The following SIK2 variants were observed in gnomAD, a reference collection of about 807,000 sequenced individuals.
SIK2 encodes the protein salt inducible kinase 2, also known as serine/threonine-protein kinase SIK2.
SIK2 carries 29 observed loss-of-function variants against 103.2 expected under a neutral mutation model. That is an observed-to-expected ratio of 0.28 (90% CI 0.21 to 0.38). The LOEUF is 0.38. SIK2 is among the 10% of genes least tolerant of loss of function. The pLI is 1.00. For synonymous variants in SIK2, 412 were observed against 446.1 expected (o/e 0.92, Z 0.96); for missense variants, 879 against 1,171.0 (o/e 0.75, Z 3.64).
chr11:111,683,865 A>C (rs938797307), intron 3 of SIK2, among the ~76,000 whole-genome samples: 10 of 152,206 alleles, frequency 6.6e-5, no homozygotes, highest in Non-Finnish European at 1.0e-4. Flanking sequence ...ATGTATGCCT[A>C]AACAAATTTT....
intron 1 of SIK2, among the ~76,000 whole-genome samples, chr11:111,605,387 A>G (rs536234889): frequency 3.9e-5 from 6 of 152,362 alleles, no homozygotes; most frequent in African/African-American, 1.4e-4. Context: ...GATAAATACA[A>G]CTACCTTAAA....
Position 111,722,580 on chromosome 11 carries a change from C to G in SIK2, c.2056-85C>G, listed in dbSNP as rs1270902382. The G allele has an allele frequency of 1.6e-6, 2 of 1,268,362 alleles. No individual in the cohort carries two copies. The highest frequency in any genetic ancestry group is 2.2e-6 in the Non-Finnish European group (2 of 889,508). 78.6% of individuals were successfully genotyped at this position (1,268,362 alleles called of 1,614,324 possible). A position where few individuals can be genotyped will look rare whatever the true frequency, so the allele number is the denominator to read the frequency against. ...GGATTCTGTAGAATGCAGTTAGATT[C>G]ATCCTGCAGGCAGAAGCACATCTGA... On this transcript the variant is annotated intron_variant, in intron 13 of 14. Coordinates refer to ENST00000304987, the MANE Select transcript of SIK2 (RefSeq NM_015191.3). The surrounding 1 kb of genome is among the most constrained non-coding windows in gnomAD (Gnocchi z 4.4).
intron 3 of SIK2, among the ~76,000 whole-genome samples, chr11:111,664,394 C>T (rs1283680398): frequency 6.6e-6 from 1 of 151,990 alleles, no homozygotes; most frequent in Non-Finnish European, 1.5e-5. Context: ...GGCGGGCGGA[C>T]CACTTGAGGT....
chr11:111,663,887 T>A (rs1039980655), intron 3 of SIK2, among the ~76,000 whole-genome samples: 2 of 152,206 alleles, frequency 1.3e-5, no homozygotes, highest in Non-Finnish European at 2.9e-5. Context: ...GTTTTGCATT[T>A]GAGGAGACTA....
intron 8 of SIK2, among the ~76,000 whole-genome samples, chr11:111,708,773 A>T (rs781547071): frequency 6.6e-6 from 1 of 151,936 alleles, no homozygotes; most frequent in Non-Finnish European, 1.5e-5. Context: ...TTTTTTGTGG[A>T]GATAGGGTCT....
chr11:111,667,381 T>TTCAATTAGA (rs1211279567), intron 3 of SIK2, among the ~76,000 whole-genome samples: 1 of 152,158 alleles, frequency 6.6e-6, no homozygotes, highest in Non-Finnish European at 1.5e-5. Context: ...ACATTAGCAT[T>TTCAATTAGA]TCAATTAGAT....
chr11:111,695,914 C>G (rs1230098268), intron 4 of SIK2, among the ~76,000 whole-genome samples: 2 of 152,110 alleles, frequency 1.3e-5, no homozygotes, highest in African/African-American at 4.8e-5. Context: ...TTAGTGATGA[C>G]AGTGATAATG....
chr11:111,624,527 C>G (rs1941936676), intron 3 of SIK2, among the ~76,000 whole-genome samples: 1 of 152,104 alleles, frequency 6.6e-6, no homozygotes, highest in African/African-American at 2.4e-5. Context: ...TCTTGCCTTT[C>G]TTTCCTATTT....
At chr11:111,648,900 A>C (rs985286298) in intron 3 of SIK2, among the ~76,000 whole-genome samples, 2 of 152,176 alleles carry the variant, frequency 1.3e-5, no homozygotes, top group African/African-American at 4.8e-5. Flanking sequence ...TAGCATGTAG[A>C]TCTTTTGGAG....
At chr11:111,690,031 A>G (rs1207125239) in intron 4 of SIK2, among the ~76,000 whole-genome samples, 3 of 152,104 alleles carry the variant, frequency 2.0e-5, no homozygotes, top group Admixed American at 2.0e-4. Context: ...ATAAAGATTT[A>G]TATCAATTTG....
At chr11:111,626,939 G>A (rs1490860598) in intron 3 of SIK2, among the ~76,000 whole-genome samples, 3 of 152,116 alleles carry the variant, frequency 2.0e-5, no homozygotes, top group African/African-American at 7.2e-5. Flanking sequence ...CATGTGGTCA[G>A]TTAAAAGAGT....
intron 3 of SIK2, among the ~76,000 whole-genome samples, chr11:111,682,298 A>C (rs892207904): frequency 2.0e-5 from 3 of 152,222 alleles, no homozygotes; most frequent in African/African-American, 7.2e-5. Context: ...AATCCAGAAT[A>C]TAGGATGACC....
At chr11:111,646,282 T>G (rs1942256470) in intron 3 of SIK2, among the ~76,000 whole-genome samples, 2 of 151,992 alleles carry the variant, frequency 1.3e-5, no homozygotes, top group East Asian at 3.9e-4. Flanking sequence ...AAACCGCATC[T>G]CTACTAAAAA....
chr11:111,626,378 T>G (rs1477690314), intron 3 of SIK2, among the ~76,000 whole-genome samples: 3 of 152,124 alleles, frequency 2.0e-5, no homozygotes, highest in African/African-American at 4.8e-5. Flanking sequence ...CATGATCTTT[T>G]TTTTTTTTTT....
At chr11:111,708,701 A>C (rs543464101) in intron 8 of SIK2, among the ~76,000 whole-genome samples, 1 of 152,128 alleles carries the variant, frequency 6.6e-6, no homozygotes, top group South Asian at 2.1e-4. Flanking sequence ...CTCCCATCTC[A>C]GCTTCCCAAG....
intron 8 of SIK2, among the ~76,000 whole-genome samples, chr11:111,711,697 C>A (rs1176178991): frequency 1.3e-5 from 2 of 152,184 alleles, no homozygotes; most frequent in East Asian, 1.9e-4. Context: ...TACACCCTTA[C>A]CAATAAATAT....
chr11:111,620,424 T>A (rs1941866483), intron 3 of SIK2, 22 bp downstream of exon 3: 1 of 1,497,032 alleles, frequency 6.7e-7, no homozygotes, highest in East Asian at 2.3e-5. Context: ...CCTTTAAATT[T>A]TCTATTAATT....
chr11:111,641,664 C>T (rs1565326033), intron 3 of SIK2, among the ~76,000 whole-genome samples: 1 of 152,162 alleles, frequency 6.6e-6, no homozygotes, highest in Non-Finnish European at 1.5e-5. Flanking sequence ...ATCAGTCTTT[C>T]CTGTGCACAG....
chr11:111,635,505 A>T (rs1005997497), intron 3 of SIK2, among the ~76,000 whole-genome samples: 34 of 133,478 alleles, frequency 2.5e-4, no homozygotes, highest in Middle Eastern at 4.2e-3. Flanking sequence ...GAGGGAGGGA[A>T]ATGAGTAACT....
Sources: gnomAD v4.1 joint callset for allele counts (sites outside exome capture counted in the v4.1 genomes callset) on GRCh38, gnomAD v4.1.1 for gene constraint, Gnocchi (gnomAD v3.1) non-coding constraint, MANE v1.5 for transcripts, NCBI Gene and HGNC (gene_info 2026-07-23, HGNC 2026-07-21) for gene names.